Variants in FSTL4 observed in about 807,000 individuals in gnomAD.
FSTL4 encodes the protein follistatin-related protein 4.
A neutral mutation model predicts 78.2 loss-of-function variants in FSTL4; 28 were observed. The ratio of observed to expected loss-of-function variants is 0.36; its 90% CI spans 0.27 to 0.49. The LOEUF (loss-of-function observed/expected upper bound fraction) is 0.49, where lower values mean the gene tolerates loss of function less well. FSTL4 is among the 20% of genes least tolerant of loss of function. The pLI, the probability that FSTL4 is intolerant of heterozygous loss-of-function variation, is 0.98. For synonymous variants in FSTL4, 422 were observed against 440.5 expected, an observed-to-expected ratio of 0.96 and a Z score of 0.53; for missense variants, 922 against 1,084.9, an observed-to-expected ratio of 0.85 and a Z score of 2.11.
chr5:133,251,620 C>T (rs569789243), intron 6 of FSTL4, among the ~76,000 whole-genome samples: 1 of 152,216 alleles, frequency 6.6e-6, no homozygotes, highest in African/African-American at 2.4e-5. Context: ...GAACTTTAGT[C>T]AGAGAGATGG....
intron 6 of FSTL4, among the ~76,000 whole-genome samples, chr5:133,308,836 C>T (rs980458392): frequency 6.6e-6 from 1 of 152,130 alleles, no homozygotes; most frequent in Admixed American, 6.5e-5. Flanking sequence ...CACCCCAGGT[C>T]CTCCTGACAC....
intron 4 of FSTL4, among the ~76,000 whole-genome samples, chr5:133,317,759 C>T (rs566831273): frequency 2.4e-4 from 37 of 152,340 alleles, no homozygotes; most frequent in African/African-American, 8.9e-4. Context: ...CAGTGCCTCC[C>T]ACAAGGGGTT....
chr5:133,722,598 T>G, the FSTL4 span, among the ~76,000 whole-genome samples: 1 of 152,240 alleles, frequency 6.6e-6, no homozygotes, highest in African/African-American at 2.4e-5. Flanking sequence ...TCATACATTT[T>G]CATTTATTTG....
At chr5:133,683,663 T>C in the FSTL4 span, among the ~76,000 whole-genome samples, 4 of 152,188 alleles carry the variant, frequency 2.6e-5, no homozygotes, top group East Asian at 1.9e-4. Context: ...ATTTCCTTTT[T>C]CCCCCTCTCT....
chr5:133,573,901 G>A (rs1760216842), intron 2 of FSTL4, among the ~76,000 whole-genome samples: 1 of 152,178 alleles, frequency 6.6e-6, no homozygotes, highest in African/African-American at 2.4e-5. Context: ...ATCATTTCCT[G>A]ATGGATTGTA....
At chr5:133,661,761 T>G in the FSTL4 span, among the ~76,000 whole-genome samples, 1 of 152,234 alleles carries the variant, frequency 6.6e-6, no homozygotes, top group African/African-American at 2.4e-5. Context: ...TAAACAAAGC[T>G]CTTGTTTATA....
At chr5:133,497,002 C>G (rs1018850617) in intron 3 of FSTL4, among the ~76,000 whole-genome samples, 6 of 152,180 alleles carry the variant, frequency 3.9e-5, no homozygotes, top group African/African-American at 1.4e-4. Context: ...CCTGGGCTCC[C>G]CAAGAGCCTC....
chr5:133,273,766 C>CCCACTGCCTGTT (rs1752819224), intron 6 of FSTL4, among the ~76,000 whole-genome samples: 2 of 152,092 alleles, frequency 1.3e-5, no homozygotes, highest in Admixed American at 1.3e-4. Flanking sequence ...TTGCAGGCAG[C>CCCACTGCCTGTT]GGAAGGAGTA....
chr5:133,670,470 A>G, the FSTL4 span, among the ~76,000 whole-genome samples: 1 of 152,254 alleles, frequency 6.6e-6, no homozygotes, highest in Admixed American at 6.5e-5. Flanking sequence ...GGACTGGGGC[A>G]TCATTTCCAG....
At chr5:133,813,749 C>A in the FSTL4 span, among the ~76,000 whole-genome samples, 1 of 152,204 alleles carries the variant, frequency 6.6e-6, no homozygotes, top group African/African-American at 2.4e-5. Context: ...AAAACAGAAG[C>A]AGTGTTTCTC....
intron 3 of FSTL4, among the ~76,000 whole-genome samples, chr5:133,482,643 G>C (rs1038526292): frequency 6.6e-6 from 1 of 152,212 alleles, no homozygotes; most frequent in Non-Finnish European, 1.5e-5. Flanking sequence ...GCTATGGTGA[G>C]AGTGAGCAGG....
the FSTL4 span, among the ~76,000 whole-genome samples, chr5:133,778,814 C>T: frequency 5.9e-3 from 902 of 152,348 alleles, 24 homozygotes; most frequent in Admixed American, 0.044. Context: ...GCAGAATCTG[C>T]CCAAGACCTC....
In FSTL4 at chr5:133,231,297, G is replaced by T. The variant is rs138289799; in HGVS notation, c.1015+2120C>A. Among the ~76,000 whole-genome samples, 959 of 152,062 alleles carry T rather than the reference G, an allele frequency of 6.3e-3. 6 individuals are homozygous for T. The highest frequency in any genetic ancestry group is 0.011 in the Non-Finnish European group (726 of 67,988). On this transcript the variant is annotated intron_variant, in intron 8 of 15. Transcript: ENST00000265342. ...TCAAAGTTAGAGCCAGCTCTGGGCA[G>T]CTCCTACCCGTGCCAGAGCTCTGGA...
chr5:133,216,403 G>A (rs568626969), intron 13 of FSTL4, among the ~76,000 whole-genome samples: 3 of 141,782 alleles, frequency 2.1e-5, no homozygotes, highest in Admixed American at 2.0e-4. Context: ...TGATTCTCCT[G>A]CCTCGGCCTC....
chr5:133,403,706 C>T (rs1283160568), intron 3 of FSTL4, among the ~76,000 whole-genome samples: 6 of 152,056 alleles, frequency 3.9e-5, no homozygotes, highest in Admixed American at 2.6e-4. Context: ...GATGGATGTC[C>T]GTGGAGGTGG....
chr5:133,278,346 C>T (rs1752934645), intron 6 of FSTL4, among the ~76,000 whole-genome samples: 1 of 152,256 alleles, frequency 6.6e-6, no homozygotes, highest in Non-Finnish European at 1.5e-5. Flanking sequence ...CCCTCTGCCA[C>T]ACCTCGGCTG....
intron 6 of FSTL4, among the ~76,000 whole-genome samples, chr5:133,270,751 A>G (rs1410298890): frequency 6.6e-6 from 1 of 152,188 alleles, no homozygotes; most frequent in Non-Finnish European, 1.5e-5. Flanking sequence ...GATTTTGTAA[A>G]GGGCAGGTCA....
chr5:133,818,134 G>T, the FSTL4 span, among the ~76,000 whole-genome samples: 1 of 152,206 alleles, frequency 6.6e-6, no homozygotes, highest in Non-Finnish European at 1.5e-5. Context: ...TTTAGGGAAC[G>T]TGAGCACGGG....
intron 6 of FSTL4, among the ~76,000 whole-genome samples, chr5:133,305,515 T>C (rs1753637458): frequency 6.6e-6 from 1 of 152,192 alleles, no homozygotes; most frequent in Admixed American, 6.5e-5. Flanking sequence ...CCGATGTCCC[T>C]TCCTGACCTC....
Sources: gnomAD v4.1 joint callset for allele counts (sites outside exome capture counted in the v4.1 genomes callset) on GRCh38, gnomAD v4.1.1 for gene constraint, MANE v1.5 for transcripts, NCBI Gene and HGNC (gene_info 2026-07-23, HGNC 2026-07-21) for gene names.